Variants in BTBD1 observed in about 807,000 individuals in gnomAD.
BTBD1 encodes the protein BTB domain containing 1.
BTBD1 carries 34 observed loss-of-function variants against 48.0 expected under a neutral mutation model. The observed-to-expected ratio is 0.71, with a 90% confidence interval of 0.54 to 0.94. BTBD1 has a LOEUF of 0.94. BTBD1 is among the 40% of genes least tolerant of loss of function. BTBD1 has a pLI of 0.00. For synonymous variants in BTBD1, 261 were observed against 242.1 expected (o/e 1.08, Z -0.72); for missense variants, 543 against 625.6 (o/e 0.87, Z 1.41).
intron 1 of BTBD1, among the ~76,000 whole-genome samples, chr15:83,057,807 C>T (rs1299968697): frequency 2.0e-5 from 3 of 152,356 alleles, no homozygotes; most frequent in Middle Eastern, 3.4e-3. Flanking sequence ...ACTCCGTCTC[C>T]AACTTCACTA....
chr15:83,062,385 C>T (rs529709997), intron 1 of BTBD1, among the ~76,000 whole-genome samples: 3 of 152,176 alleles, frequency 2.0e-5, no homozygotes, highest in African/African-American at 4.8e-5. Flanking sequence ...TGGAGTGAAA[C>T]GAAACTACAA....
rs534009103 is a variant in BTBD1 at position 83,016,905 on chromosome 15, C to T, written c.*1162G>A. 2 of 152,338 alleles carry T rather than the reference C, an allele frequency of 1.3e-5. No individual in the cohort carries two copies. The highest frequency in any genetic ancestry group is 2.9e-5 in the Non-Finnish European group (2 of 68,016). 9.4% of individuals were successfully genotyped at this position (152,338 alleles called of 1,614,324 possible). On this transcript the variant is annotated 3_prime_UTR_variant, in exon 8 of 8. Coordinates refer to ENST00000261721, the MANE Select transcript of BTBD1 (RefSeq NM_025238.4). ...AATTTTGATTTTTAATCACCTTCCA[C>T]AACGATTTGATATACCTTAAACTCC...
At chr15:83,020,457 T>G in intron 6 of BTBD1, 1 of 425,820 alleles carries the variant, frequency 2.3e-6, no homozygotes, top group Non-Finnish European at 4.1e-6. Flanking sequence ...AAAGAAGAGC[T>G]CCTTATATGC....
intron 3 of BTBD1, among the ~76,000 whole-genome samples, chr15:83,042,784 A>T (rs1596437681): frequency 6.6e-6 from 1 of 152,326 alleles, no homozygotes; most frequent in Middle Eastern, 3.4e-3. Flanking sequence ...AGTAAATTCG[A>T]GTATCTTAGA....
intron 3 of BTBD1, among the ~76,000 whole-genome samples, chr15:83,046,153 T>C (rs2032873034): frequency 6.6e-6 from 1 of 152,112 alleles, no homozygotes; most frequent in Non-Finnish European, 1.5e-5. Context: ...CCCAGCACTT[T>C]GGGAGGCTGA....
chr15:83,021,703 C>A (rs948198337), intron 5 of BTBD1, among the ~76,000 whole-genome samples: 1 of 150,254 alleles, frequency 6.7e-6, no homozygotes, highest in Admixed American at 6.7e-5. Flanking sequence ...GCAGGTGACC[C>A]GGCACTCCAT....
chr15:83,022,531 C>A (rs34869943), intron 5 of BTBD1: 17,511 of 151,658 alleles, frequency 0.12, 1,063 homozygotes, highest in Middle Eastern at 0.22. Context: ...ATTAGCCAGG[C>A]ATGGTGGCAC....
intron 4 of BTBD1, among the ~76,000 whole-genome samples, chr15:83,030,921 A>AC (rs1474982056): frequency 1.3e-5 from 2 of 152,204 alleles, no homozygotes; most frequent in African/African-American, 2.4e-5. Context: ...AGAAAAAAAA[A>AC]ACAAATAATC....
rs553579912 is a variant in BTBD1, at chr15:83,054,782, G to A, written c.558+1607C>T. Among the ~76,000 whole-genome samples, 5 of 151,970 alleles carry A rather than the reference G, an allele frequency of 3.3e-5. No individual in the cohort carries two copies. In the East Asian group the frequency reaches 7.8e-4, roughly 24 times the overall value. ...TCACCATGTTGGCCAGGATGGTCTCGATCTCTTGGCCTCATGATCTGCCCG... is the reference window on the plus strand; with the variant it reads ...TCACCATGTTGGCCAGGATGGTCTCAATCTCTTGGCCTCATGATCTGCCCG... On this transcript the variant is annotated intron_variant, in intron 2 of 7. Transcript: ENST00000261721.
chr15:83,019,657 T>C (rs2032250527), intron 6 of BTBD1, among the ~76,000 whole-genome samples: 1 of 150,252 alleles, frequency 6.7e-6, no homozygotes, highest in Non-Finnish European at 1.5e-5. Context: ...GGCATGACCT[T>C]GGCTCACTGC....
intron 1 of BTBD1, among the ~76,000 whole-genome samples, chr15:83,064,126 A>G (rs2151316141): frequency 6.6e-6 from 1 of 152,364 alleles, no homozygotes; most frequent in African/African-American, 2.4e-5. Flanking sequence ...TAAGTTCATG[A>G]GCCTGTAAGT....
chr15:83,024,205 C>G (rs1174591445), intron 5 of BTBD1: 1 of 152,164 alleles, frequency 6.6e-6, no homozygotes, highest in Non-Finnish European at 1.5e-5. Flanking sequence ...AAAACATTTG[C>G]TCATATGCTT....
At chr15:83,050,675 A>G (rs1390703703) in intron 2 of BTBD1, among the ~76,000 whole-genome samples, 1 of 152,150 alleles carries the variant, frequency 6.6e-6, no homozygotes, top group African/African-American at 2.4e-5. Flanking sequence ...AACAGTGCAA[A>G]TATCAGATTT....
chr15:83,025,778 C>CT (rs1011850516), intron 5 of BTBD1, among the ~76,000 whole-genome samples: 53 of 150,748 alleles, frequency 3.5e-4, no homozygotes, highest in African/African-American at 1.1e-3. Flanking sequence ...ACCATTTTTT[C>CT]TTTTTTTTTG....
At position 83,030,344 on chromosome 15, in the gene BTBD1, CAT is replaced by C. The variant is rs2032492546; in HGVS notation, c.863-18_863-17del. The C allele has an allele frequency of 6.3e-7, 1 of 1,585,326 alleles. No homozygotes were observed. Among genetic ancestry groups the C allele is most frequent in the Admixed American group, 1.8e-5 (1 of 54,552 alleles). ...TGAGCAGGACCTGTGGAAATAAAAA[CAT>C]AAGCCTAAAAAAAGGAATTTGATTT... On this transcript the variant is annotated splice_polypyrimidine_tract_variant and intron_variant, in intron 4 of 7. Transcript: ENST00000261721.
intron 4 of BTBD1, among the ~76,000 whole-genome samples, chr15:83,034,956 AAAG>A (rs1294244068): frequency 6.6e-6 from 1 of 152,176 alleles, no homozygotes; most frequent in African/African-American, 2.4e-5. Context: ...TGCACATAAC[AAAG>A]AAGAATACAT....
chr15:83,042,519 G>C (rs899999533), intron 3 of BTBD1, among the ~76,000 whole-genome samples: 2 of 151,686 alleles, frequency 1.3e-5, no homozygotes, highest in Admixed American at 1.3e-4. Flanking sequence ...GGGTAGCTTG[G>C]ATTACTGGCA....
intron 5 of BTBD1, among the ~76,000 whole-genome samples, chr15:83,026,720 C>T (rs2032415655): frequency 6.6e-6 from 1 of 151,936 alleles, no homozygotes; most frequent in Admixed American, 6.6e-5. Context: ...CGGGGTTTCT[C>T]CATGTTGGTC....
At chr15:83,046,915 C>T (rs1161725398) in intron 3 of BTBD1, among the ~76,000 whole-genome samples, 3 of 152,120 alleles carry the variant, frequency 2.0e-5, no homozygotes, top group Non-Finnish European at 4.4e-5. Flanking sequence ...GGGGTATCAG[C>T]TCCCAAAAAA....
Sources: allele counts gnomAD v4.1 joint callset (sites outside exome capture counted in the v4.1 genomes callset), GRCh38; gene constraint gnomAD v4.1.1; transcripts MANE v1.5; gene names NCBI Gene and HGNC (gene_info 2026-07-23, HGNC 2026-07-21).